The following CDKL3 variants were observed in gnomAD, a reference collection of about 807,000 sequenced individuals.
CDKL3 encodes the protein cyclin dependent kinase like 3.
In CDKL3, 65 loss-of-function variants were observed where a neutral mutation model predicts 69.3. The observed-to-expected ratio is 0.94, with a 90% CI of 0.77 to 1.15. The LOEUF (loss-of-function observed/expected upper bound fraction) is 1.15, where lower values mean the gene tolerates loss of function less well. CDKL3 is among the 50% of genes most tolerant of loss of function. The pLI is 0.00. For missense variants in CDKL3, 652 were observed against 689.2 expected (o/e 0.95, Z 0.61); for synonymous variants, 202 against 221.6 (o/e 0.91, Z 0.79).
intron 6 of CDKL3, among the ~76,000 whole-genome samples, chr5:134,312,900 GAAAC>G (rs368764576): frequency 4.8e-4 from 73 of 152,142 alleles, no homozygotes; most frequent in African/African-American, 1.5e-3. Flanking sequence ...TCTTGGTATA[GAAAC>G]AAACAAACAA....
At position 134,308,635 on chromosome 5, in the gene CDKL3, C is replaced by T. The variant is rs1269391614; in HGVS notation, c.974G>A (p.Arg325Lys). 5 of 1,609,222 alleles carry T rather than the reference C, an allele frequency of 3.1e-6. No homozygotes were observed. Among genetic ancestry groups the T allele is most frequent in the Non-Finnish European group, 3.4e-6 (4 of 1,178,756 alleles). Reference protein sequence around the residue: ...PKESSKENELRKDERKTVYTN... With the variant: ...PKESSKENELKKDERKTVYTN... Reference sequence around the variant, plus strand: ...ATAAACTGTTTTTCTTTCATCTTTCCTGAGTTCATTTTCTTTAGAACTCTC... The same window carrying T: ...ATAAACTGTTTTTCTTTCATCTTTCTTGAGTTCATTTTCTTTAGAACTCTC... Residue 325 changes from arginine (R) to lysine (K), a missense_variant, in exon 8 of 13, where the codon AGG becomes AAG. Coordinates refer to ENST00000265334, the MANE Select transcript of CDKL3 (RefSeq NM_001113575.2).
chr5:134,318,758 T>A (rs1381179054), intron 6 of CDKL3, among the ~76,000 whole-genome samples: 7 of 152,094 alleles, frequency 4.6e-5, no homozygotes, highest in Admixed American at 4.6e-4. Context: ...GTGCTGGGAT[T>A]ACACACATAA....
At chr5:134,348,201 AC>A (rs1486146045) in intron 4 of CDKL3, among the ~76,000 whole-genome samples, 3 of 152,192 alleles carry the variant, frequency 2.0e-5, no homozygotes, top group African/African-American at 7.2e-5. Context: ...AGCCTGGGCA[AC>A]ATAGTGAGAC....
At chr5:134,324,874 G>A (rs1002472819) in intron 4 of CDKL3, among the ~76,000 whole-genome samples, 10 of 152,302 alleles carry the variant, frequency 6.6e-5, no homozygotes, top group African/African-American at 1.9e-4. Context: ...TACATCAATT[G>A]TAACAAATGT....
chr5:134,333,783 T>G (rs559392328), intron 4 of CDKL3, among the ~76,000 whole-genome samples: 3 of 152,300 alleles, frequency 2.0e-5, no homozygotes, highest in East Asian at 3.9e-4. Flanking sequence ...TGTTTTGTTG[T>G]GTTTCTGCCA....
intron 10 of CDKL3, among the ~76,000 whole-genome samples, 175 bp downstream of exon 10, chr5:134,306,434 C>G (rs1394759314): frequency 6.6e-6 from 1 of 151,958 alleles, no homozygotes; most frequent in Non-Finnish European, 1.5e-5. Flanking sequence ...GAGGTCGAGG[C>G]TGCAGTGAGC....
At chr5:134,333,412 T>G (rs1342134000) in intron 4 of CDKL3, among the ~76,000 whole-genome samples, 3 of 152,248 alleles carry the variant, frequency 2.0e-5, no homozygotes, top group African/African-American at 7.2e-5. Context: ...AAGGGAATGC[T>G]TCCAGTTTTT....
chr5:134,352,612 T>C (rs1753597104), intron 3 of CDKL3, among the ~76,000 whole-genome samples: 1 of 151,980 alleles, frequency 6.6e-6, no homozygotes, highest in East Asian at 1.9e-4. Context: ...CCTTTGCCCA[T>C]TTTTTATTTA....
intron 4 of CDKL3, among the ~76,000 whole-genome samples, chr5:134,334,555 T>C (rs1055395156): frequency 2.6e-5 from 4 of 152,204 alleles, no homozygotes; most frequent in African/African-American, 9.6e-5. Context: ...TATGTCTGCC[T>C]TCATTTCGTA....
chr5:134,323,302 C>T (rs1002890800), intron 4 of CDKL3, among the ~76,000 whole-genome samples: 1 of 152,112 alleles, frequency 6.6e-6, no homozygotes, highest in Non-Finnish European at 1.5e-5. Context: ...AAACATCATG[C>T]TGTACACAAT....
chr5:134,360,351 T>C (rs1755718821), intron 2 of CDKL3, among the ~76,000 whole-genome samples: 1 of 152,174 alleles, frequency 6.6e-6, no homozygotes, highest in Non-Finnish European at 1.5e-5. Context: ...ATTACAAGCG[T>C]GCACCACCAT....
At chr5:134,325,228 AT>A (rs71581392) in intron 4 of CDKL3, among the ~76,000 whole-genome samples, 2,927 of 152,290 alleles carry the variant, frequency 0.019, 45 homozygotes, top group Non-Finnish European at 0.03. Flanking sequence ...TATACTATGT[AT>A]ATAGTATGTT....
At chr5:134,318,630 C>T (rs1224038884) in intron 6 of CDKL3, among the ~76,000 whole-genome samples, 2 of 152,058 alleles carry the variant, frequency 1.3e-5, no homozygotes, top group African/African-American at 4.8e-5. Flanking sequence ...GGACTACCAG[C>T]ACGTGCCACC....
intron 5 of CDKL3, among the ~76,000 whole-genome samples, chr5:134,320,736 T>C (rs557683734): frequency 2.0e-5 from 3 of 151,630 alleles, no homozygotes; most frequent in East Asian, 2.0e-4. Context: ...AAGCCAGGTG[T>C]GGTGGCAGGC....
chr5:134,302,434 G>T (rs530920077), intron 12 of CDKL3, among the ~76,000 whole-genome samples, 156 bp downstream of exon 12: 1 of 152,086 alleles, frequency 6.6e-6, no homozygotes, highest in African/African-American at 2.4e-5. Context: ...TTATTAATGG[G>T]TTATTCTAGG....
At chr5:134,328,275 T>C (rs1300948422) in intron 4 of CDKL3, among the ~76,000 whole-genome samples, 1 of 152,086 alleles carries the variant, frequency 6.6e-6, no homozygotes, top group Non-Finnish European at 1.5e-5. Flanking sequence ...AGAAGAAAGG[T>C]ATGACAGTGT....
chr5:134,331,605 T>C (rs1190975903), intron 4 of CDKL3, among the ~76,000 whole-genome samples: 1 of 152,206 alleles, frequency 6.6e-6, no homozygotes, highest in Admixed American at 6.5e-5. Flanking sequence ...TCCAGCTTCA[T>C]TCATGTCCCT....
At chr5:134,326,386 T>C (rs1251689879) in intron 4 of CDKL3, among the ~76,000 whole-genome samples, 3 of 152,006 alleles carry the variant, frequency 2.0e-5, no homozygotes, top group Non-Finnish European at 4.4e-5. Context: ...AGAAAACCTC[T>C]CCTCTTCACT....
At chr5:134,287,906 T>TC (rs1344531430) in intron 8 of CDKL3, among the ~76,000 whole-genome samples, 1 of 151,516 alleles carries the variant, frequency 6.6e-6, no homozygotes, top group Non-Finnish European at 1.5e-5. Flanking sequence ...TTTTTTTTTT[T>TC]TTTTTGAAAT....
Sources: allele counts gnomAD v4.1 joint callset (sites outside exome capture counted in the v4.1 genomes callset), GRCh38; gene constraint gnomAD v4.1.1; transcripts MANE v1.5; gene names NCBI Gene and HGNC (gene_info 2026-07-23, HGNC 2026-07-21).